Variants in DYNLL1 observed in about 807,000 individuals in gnomAD.
DYNLL1 encodes the protein dynein light chain 1, cytoplasmic.
A neutral mutation model predicts 10.1 loss-of-function variants in DYNLL1; 3 were observed. The ratio of observed to expected loss-of-function variants is 0.30; its 90% CI spans 0.14 to 0.77. The LOEUF is 0.77. DYNLL1 is among the 30% of genes least tolerant of loss of function. DYNLL1 has a pLI of 0.66. For missense variants in DYNLL1, 47 were observed against 111.7 expected (o/e 0.42, Z 2.61); for synonymous variants, 46 against 41.2 (o/e 1.12, Z -0.45).
At chr12:120,496,243 G>C in intron 1 of DYNLL1, 27 bp downstream of exon 1, 1 of 928,118 alleles carries the variant, frequency 1.1e-6, no homozygotes, top group South Asian at 1.7e-5. Flanking sequence ...GCCAGGGGGT[G>C]TCCTCGCTGC....
intron 1 of DYNLL1, among the ~76,000 whole-genome samples, chr12:120,472,439 G>A (rs1878670625): frequency 6.6e-6 from 1 of 152,164 alleles, no homozygotes; most frequent in Non-Finnish European, 1.5e-5. Context: ...ATGATCTCGA[G>A]TCTAAGTGTG....
chr12:120,496,782 G>A, intron 2 of DYNLL1: 1 of 637,384 alleles, frequency 1.6e-6, no homozygotes, highest in South Asian at 2.0e-5. Flanking sequence ...TCCGCGGGGG[G>A]AAAGCGCCAC....
At chr12:120,490,023 C>T (rs10774551) in intron 1 of DYNLL1, among the ~76,000 whole-genome samples, 44,021 of 152,268 alleles carry the variant, frequency 0.29, 6,704 homozygotes, top group East Asian at 0.5. Context: ...GCTAGGATTA[C>T]AGGCGTAAGC....
chr12:120,496,232 G>A lies in DYNLL1; in HGVS notation c.-7+16G>A, dbSNP rs1330746790. The A allele has an allele frequency of 4.8e-6, 4 of 825,450 alleles. No homozygotes were observed. The highest frequency in any genetic ancestry group is 3.6e-5 in the South Asian group (2 of 56,236). The allele number at this position is 825,450 out of a possible 1,614,324, so 51.1% of individuals were successfully genotyped here. The stretch of plus-strand genomic sequence containing the variant: ...CTTCTCCACGGTGAGAAACTCGGGG[G>A]GCCAGGGGGTGTCCTCGCTGCCTTA... On this transcript the variant is annotated intron_variant, in intron 1 of 2. Transcript: ENST00000242577.
intron 2 of DYNLL1, 83 bp from the exon 3 acceptor site, chr12:120,497,988 GCC>G: frequency 7.3e-7 from 1 of 1,369,636 alleles, no homozygotes; most frequent in Non-Finnish European, 9.9e-7. Flanking sequence ...CCTCCTTTCT[GCC>G]CCTACAGGCT....
At chr12:120,490,437 T>C (rs1009496535) in intron 1 of DYNLL1, 1 of 152,254 alleles carries the variant, frequency 6.6e-6, no homozygotes, top group African/African-American at 2.4e-5. Flanking sequence ...CACAGAGGCC[T>C]TGTTAGCTCC....
chr12:120,482,691 A>G (rs1045200829), intron 1 of DYNLL1, among the ~76,000 whole-genome samples: 6 of 152,220 alleles, frequency 3.9e-5, no homozygotes, highest in Non-Finnish European at 8.8e-5. Context: ...TGAAAAAAAA[A>G]ATAGTCAGAG....
intron 2 of DYNLL1, 188 bp downstream of exon 2, chr12:120,496,741 GT>G (rs35017041): frequency 0.48 from 275,711 of 577,682 alleles, 33,618 homozygotes; most frequent in African/African-American, 0.76. Context: ...GGCGTCCGAA[GT>G]TTTTTTTTTT....
At chr12:120,491,853 A>G (rs1209047797), upstream of DYNLL1, 1 of 152,176 alleles carries the variant, frequency 6.6e-6, no homozygotes, top group East Asian at 1.9e-4. Context: ...AGGCTGAAGT[A>G]CTCTGAACTA....
At chr12:120,494,741 C>A (rs745404126), upstream of DYNLL1, among the ~76,000 whole-genome samples, 4 of 152,140 alleles carry the variant, frequency 2.6e-5, no homozygotes, top group South Asian at 8.3e-4. Context: ...CAGGTGTGAG[C>A]CATCATGCCC....
chr12:120,494,309 C>A (rs1324120656), upstream of DYNLL1, among the ~76,000 whole-genome samples: 1 of 146,984 alleles, frequency 6.8e-6, no homozygotes, highest in African/African-American at 2.5e-5. Flanking sequence ...TTTTTTGAGA[C>A]GGAGTTGCCC....
chr12:120,483,633 A>G (rs1484313853), intron 1 of DYNLL1, among the ~76,000 whole-genome samples: 1 of 152,148 alleles, frequency 6.6e-6, no homozygotes, highest in African/African-American at 2.4e-5. Flanking sequence ...AGCTATTTCA[A>G]ATAGGACTTA....
At position 120,471,210 on chromosome 12, in the gene DYNLL1, CA is replaced by C. The variant is rs528588508; in HGVS notation, c.-7+1121del. ...AAGACCCGCCCCCCTACTAAAAATACAAAAAAAAAAAAAAATTAGCCAAGCT... is the reference window on the plus strand; with the variant it reads ...AAGACCCGCCCCCCTACTAAAAATACAAAAAAAAAAAAAATTAGCCAAGCT... On this transcript the variant is annotated intron_variant, in intron 1 of 2. Coordinates refer to the DYNLL1 transcript ENST00000392509. Among the ~76,000 whole-genome samples, 257 of 132,050 alleles carry C rather than the reference CA, an allele frequency of 1.9e-3. 1 individual carries two copies. The highest frequency in any genetic ancestry group is 2.1e-3 in the Admixed American group (28 of 13,118). 86.6% of individuals were successfully genotyped at this position (132,050 alleles called of 152,430 possible).
In DYNLL1 at chr12:120,496,126, T is replaced by C. The variant is rs2137070743; in HGVS notation, c.-97T>C. ...GTGGGGCTGCTTAGATGCGCCACGG[T>C]TTCGGTAGCGACGGTATCTCTAGCC... On this transcript the variant is annotated 5_prime_UTR_variant, in exon 1 of 3. Transcript: ENST00000242577. The C allele has an allele frequency of 2.0e-6, 1 of 493,322 alleles. No homozygotes were observed. The highest frequency in any genetic ancestry group is 2.4e-5 in the South Asian group (1 of 42,298). 30.6% of individuals were successfully genotyped at this position (493,322 alleles called of 1,614,324 possible).
chr12:120,484,922 T>C (rs1440779290), intron 1 of DYNLL1, among the ~76,000 whole-genome samples: 1 of 152,194 alleles, frequency 6.6e-6, no homozygotes, highest in Non-Finnish European at 1.5e-5. Context: ...ATATTTTTAG[T>C]AGAGATGGGG....
upstream of DYNLL1, among the ~76,000 whole-genome samples, chr12:120,493,038 G>A (rs148968972): frequency 2.6e-5 from 4 of 152,176 alleles, no homozygotes; most frequent in Non-Finnish European, 4.4e-5. Context: ...TTTGCAATCC[G>A]GTCGTGGACC....
chr12:120,484,093 AGCCG>A (rs2137062470), intron 1 of DYNLL1, among the ~76,000 whole-genome samples: 1 of 152,230 alleles, frequency 6.6e-6, no homozygotes, highest in East Asian at 1.9e-4. Flanking sequence ...CTTGGAGGAA[AGCCG>A]AGATGGGATG....
intron 1 of DYNLL1, among the ~76,000 whole-genome samples, chr12:120,483,337 CAAA>C (rs77071599): frequency 6.1e-5 from 6 of 98,892 alleles, no homozygotes; most frequent in African/African-American, 3.8e-5. Context: ...AGCTCTGTAT[CAAA>C]AAAAAAAAAA....
At chr12:120,497,725 C>G (rs1868499140) in intron 2 of DYNLL1, 1 of 195,242 alleles carries the variant, frequency 5.1e-6, no homozygotes, top group Non-Finnish European at 1.0e-5. Context: ...TAGTTTAGTT[C>G]TCTACACAGA....
Sources: gnomAD v4.1 joint callset for allele counts (sites outside exome capture counted in the v4.1 genomes callset) on GRCh38, gnomAD v4.1.1 for gene constraint, MANE v1.5 for transcripts, NCBI Gene and HGNC (gene_info 2026-07-23, HGNC 2026-07-21) for gene names.